ARMH1: variants seen among roughly 807,000 people sequenced by gnomAD.
ARMH1 encodes the protein armadillo-like helical domain containing protein 1.
A neutral mutation model predicts 50.2 loss-of-function variants in ARMH1; 34 were observed. The ratio of observed to expected loss-of-function variants is 0.68; its 90% confidence interval spans 0.51 to 0.90. The LOEUF (loss-of-function observed/expected upper bound fraction) is 0.90, where lower values mean the gene tolerates loss of function less well. ARMH1 is among the 40% of genes least tolerant of loss of function. The pLI is 0.00. For synonymous variants in ARMH1, 221 were observed against 224.2 expected (o/e 0.99, Z 0.13); for missense variants, 538 against 553.9 (o/e 0.97, Z 0.29).
At chr1:44,690,482 A>G (rs1354098425) in intron 2 of ARMH1, among the ~76,000 whole-genome samples, 4 of 152,152 alleles carry the variant, frequency 2.6e-5, no homozygotes, top group African/African-American at 7.2e-5. Flanking sequence ...CTAATCCTCT[A>G]TTTGTACTGC....
intron 6 of ARMH1, among the ~76,000 whole-genome samples, chr1:44,715,654 G>A (rs1646820043): frequency 6.6e-6 from 1 of 152,126 alleles, no homozygotes; most frequent in African/African-American, 2.4e-5. Context: ...CTGCCTCCCG[G>A]GTTCAAGCAA....
At position 44,683,988 on chromosome 1, in the gene ARMH1, A is replaced by C. The variant is rs576421522; in HGVS notation, c.-22-5688A>C. On this transcript the variant is annotated intron_variant, in intron 1 of 11. Transcript: ENST00000535358. This position sits in a 1 kb window ranked among gnomAD's most constrained non-coding sequence, Gnocchi z 4.2. ...GGCAACACAGAGAGACCCCATCTCT[A>C]TAAACAAAAACAACCACAGAGAGAG... Among the ~76,000 whole-genome samples, 7 of 151,830 alleles carry C rather than the reference A, an allele frequency of 4.6e-5. No individual in the cohort carries two copies. The highest frequency in any genetic ancestry group is 1.3e-4 in the Admixed American group (2 of 15,236).
Position 44,689,863 on chromosome 1 carries a change from A to G in ARMH1, c.166A>G (p.Ser56Gly), listed in dbSNP as rs1420490458. The G allele has an allele frequency of 1.3e-6, 2 of 1,551,190 alleles. No individual in the cohort carries two copies. The highest frequency in any genetic ancestry group is 2.4e-5 in the South Asian group (2 of 84,032). ...ELEQEFSQGA[S>G]LFLVRLTTSL... Reference sequence around the variant, plus strand: ...GGAGCAGGAGTTTTCCCAGGGAGCCAGTTTGTTCCTGGTACGCTTGACCAC... The same window carrying G: ...GGAGCAGGAGTTTTCCCAGGGAGCCGGTTTGTTCCTGGTACGCTTGACCAC... Residue 56 changes from serine (S) to glycine (G), a missense_variant, in exon 2 of 12, where the codon AGT becomes GGT. Physicochemically the swap from Ser to Gly is moderately conservative, Grantham distance 56. Transcript: ENST00000535358.
intron 6 of ARMH1, among the ~76,000 whole-genome samples, chr1:44,721,442 G>A (rs555589203): frequency 2.0e-5 from 3 of 152,154 alleles, no homozygotes; most frequent in East Asian, 3.9e-4. Context: ...ATTGGAACTA[G>A]CACACTAGAA....
chr1:44,700,148 A>AT (rs1471794102), intron 4 of ARMH1, among the ~76,000 whole-genome samples: 1 of 152,024 alleles, frequency 6.6e-6, no homozygotes, highest in Non-Finnish European at 1.5e-5. Flanking sequence ...CCTTTTTCAA[A>AT]GCACTTCCCA....
chr1:44,723,975 G>T, intron 6 of ARMH1, 147 bp from the exon 7 acceptor site: 2 of 1,014,984 alleles, frequency 2.0e-6, no homozygotes, highest in Non-Finnish European at 1.4e-6. Flanking sequence ...ACTGAGGTTC[G>T]CCTTCCCAGC....
rs1239676717 is a variant in ARMH1 at position 44,694,619 on chromosome 1, C to T, written c.207-2483C>T. On this transcript the variant is annotated intron_variant, in intron 2 of 11. Transcript: ENST00000535358. ...CCGCCTCCCAGGTTCAAGCGATTCTCCTGCCTCAGCCTCCCGAGTAGCTGG... is the reference window on the plus strand; with the variant it reads ...CCGCCTCCCAGGTTCAAGCGATTCTTCTGCCTCAGCCTCCCGAGTAGCTGG... 2.6e-5 allele frequency among the ~76,000 whole-genome samples: 4 copies of T among 151,092 alleles called. No individual in the cohort carries two copies. The East Asian group carries it at 7.9e-4, about 30-fold the overall frequency.
intron 6 of ARMH1, 25 bp downstream of exon 6, chr1:44,704,198 G>T (rs931472160): frequency 1.3e-5 from 20 of 1,523,558 alleles, no homozygotes; most frequent in Admixed American, 2.0e-5. Flanking sequence ...GATTGCAGAA[G>T]GGGGCACCGA....
chr1:44,707,132 C>A (rs948402581), intron 6 of ARMH1, among the ~76,000 whole-genome samples: 1 of 150,596 alleles, frequency 6.6e-6, no homozygotes, highest in Non-Finnish European at 1.5e-5. Flanking sequence ...ACTGTTCTCT[C>A]AAATGGTACC....
At chr1:44,719,892 C>T (rs1431477723) in intron 6 of ARMH1, among the ~76,000 whole-genome samples, 1 of 152,116 alleles carries the variant, frequency 6.6e-6, no homozygotes, top group Non-Finnish European at 1.5e-5. Context: ...GGCTTCAAAG[C>T]ACTCTCAAAG....
rs563071168 is a variant in ARMH1, at chr1:44,688,715, A to G, written c.-22-961A>G. Among the ~76,000 whole-genome samples the G allele has an allele frequency of 2.0e-5, 3 of 152,290 alleles. No individual in the cohort carries two copies. In the South Asian group the frequency reaches 6.2e-4, roughly 32 times the overall value. ...CACATGCCTCTCTCCCATCAGCACT[A>G]ACATTTGTTATGGATAATAACACTT... is the stretch of plus-strand genomic sequence containing the variant. On this transcript the variant is annotated intron_variant, in intron 1 of 11. Transcript: ENST00000535358.
intron 4 of ARMH1, among the ~76,000 whole-genome samples, 197 bp from the exon 5 acceptor site, chr1:44,700,726 G>A (rs187965152): frequency 6.6e-6 from 1 of 151,998 alleles, no homozygotes; most frequent in African/African-American, 2.4e-5. Flanking sequence ...ACATGCCTAT[G>A]CTGAAATAAA....
intron 2 of ARMH1, among the ~76,000 whole-genome samples, chr1:44,694,016 C>T (rs1171293079): frequency 6.6e-6 from 1 of 152,162 alleles, no homozygotes; most frequent in Non-Finnish European, 1.5e-5. Context: ...TCTGAGCATT[C>T]TGTGCTTTTT....
chr1:44,703,154 G>A (rs1301072204), intron 5 of ARMH1, among the ~76,000 whole-genome samples: 1 of 152,186 alleles, frequency 6.6e-6, no homozygotes, highest in Non-Finnish European at 1.5e-5. Flanking sequence ...TGTCTGATGG[G>A]ATGAGGTTCC....
intron 6 of ARMH1, among the ~76,000 whole-genome samples, chr1:44,722,141 C>G (rs1049158564): frequency 6.6e-6 from 1 of 152,190 alleles, no homozygotes; most frequent in Non-Finnish European, 1.5e-5. Flanking sequence ...AGCTGAGCGC[C>G]GGAACAAGAG....
intron 1 of ARMH1, among the ~76,000 whole-genome samples, chr1:44,684,201 T>G (rs1211456442): frequency 6.6e-6 from 1 of 152,248 alleles, no homozygotes; most frequent in Non-Finnish European, 1.5e-5. Context: ...CTCTTGAAAT[T>G]GACACATTTT....
At chr1:44,721,838 T>C (rs560355700) in intron 6 of ARMH1, 9 of 152,278 alleles carry the variant, frequency 5.9e-5, no homozygotes, top group South Asian at 2.1e-4. Flanking sequence ...CATAGTTGTT[T>C]TTCTCCACGG....
At chr1:44,685,548 T>G (rs1374322827) in intron 1 of ARMH1, among the ~76,000 whole-genome samples, 1 of 152,068 alleles carries the variant, frequency 6.6e-6, no homozygotes, top group Non-Finnish European at 1.5e-5. Flanking sequence ...TGGGCTCAAG[T>G]GATCCTCCTG....
intron 2 of ARMH1, among the ~76,000 whole-genome samples, chr1:44,690,559 C>T (rs1227735956): frequency 1.3e-5 from 2 of 152,100 alleles, no homozygotes; most frequent in Non-Finnish European, 2.9e-5. Flanking sequence ...TCATAACCAG[C>T]GTTTTTTCAG....
Sources: allele counts gnomAD v4.1 joint callset (sites outside exome capture counted in the v4.1 genomes callset), GRCh38; gene constraint gnomAD v4.1.1; non-coding constraint Gnocchi (gnomAD v3.1); transcripts MANE v1.5; gene names NCBI Gene and HGNC (gene_info 2026-07-23, HGNC 2026-07-21).